GALNT2: variants seen among roughly 807,000 people sequenced by gnomAD.
GALNT2 encodes UDP-GalNAc:polypeptide N-acetylgalactosaminyltransferase 2.
GALNT2 carries 31 observed loss-of-function variants against 81.4 expected under a neutral mutation model. That is an observed-to-expected ratio of 0.38 (90% CI 0.29 to 0.51). The LOEUF is 0.51. Ranked by LOEUF, GALNT2 falls within the 20% of genes least tolerant of loss-of-function variation. The pLI is 0.87. For missense variants in GALNT2, 629 were observed against 765.7 expected (o/e 0.82, Z 2.11); for synonymous variants, 303 against 287.4 (o/e 1.05, Z -0.55).
intron 1 of GALNT2, among the ~76,000 whole-genome samples, chr1:230,138,540 A>AG (rs35574316): frequency 0.035 from 5,214 of 150,274 alleles, 280 homozygotes; most frequent in African/African-American, 0.11. Context: ...AAAAAAAAAA[A>AG]AAAATGAAAC....
At chr1:230,073,426 T>G (rs1659434745) in intron 1 of GALNT2, among the ~76,000 whole-genome samples, 1 of 152,212 alleles carries the variant, frequency 6.6e-6, no homozygotes, top group Non-Finnish European at 1.5e-5. Context: ...CTTTCTAGGG[T>G]TCCCTGCTCT....
At chr1:230,146,122 T>A (rs1435878439) in intron 1 of GALNT2, among the ~76,000 whole-genome samples, 1 of 152,220 alleles carries the variant, frequency 6.6e-6, no homozygotes, top group Non-Finnish European at 1.5e-5. Flanking sequence ...TCCTTCTTCC[T>A]CCTGGGTTAG....
chr1:230,064,555 C>T (rs1488349992), upstream of GALNT2, among the ~76,000 whole-genome samples: 1 of 152,240 alleles, frequency 6.6e-6, no homozygotes, highest in Non-Finnish European at 1.5e-5. Context: ...GAGTCTCGCT[C>T]TGTCACCCAG....
chr1:230,143,673 C>T (rs76268125), intron 1 of GALNT2, among the ~76,000 whole-genome samples: 1 of 152,222 alleles, frequency 6.6e-6, no homozygotes, highest in Non-Finnish European at 1.5e-5. Context: ...GCCCCACGCT[C>T]TTATTAAAGC....
chr1:230,238,162 ATG>A (rs990290271), intron 6 of GALNT2, among the ~76,000 whole-genome samples: 13 of 152,222 alleles, frequency 8.5e-5, no homozygotes, highest in African/African-American at 2.9e-4. Flanking sequence ...ATATGTACCC[ATG>A]TGTGTGTATA....
chr1:230,170,973 A>G (rs1016675455), intron 1 of GALNT2, among the ~76,000 whole-genome samples: 1 of 152,196 alleles, frequency 6.6e-6, no homozygotes, highest in African/African-American at 2.4e-5. Flanking sequence ...TCACCTAGTT[A>G]ACTCTGGTGT....
chr1:230,215,123 G>T (rs1374769331), intron 3 of GALNT2, among the ~76,000 whole-genome samples: 1 of 152,212 alleles, frequency 6.6e-6, no homozygotes, highest in Non-Finnish European at 1.5e-5. Context: ...GAGCTGGTGA[G>T]TTTCCAGTTC....
At position 230,224,276 on chromosome 1, in the gene GALNT2, A is replaced by G. The variant is rs146126924; in HGVS notation, c.375-11738A>G. On this transcript the variant is annotated intron_variant, in intron 3 of 15. Coordinates refer to ENST00000366672, the MANE Select transcript of GALNT2 (RefSeq NM_004481.5). ...TGTCTGATGAGCAGTGTGAGCTTCCATCCAGAAAAGGCAGCTTGTCCCCTG... is the reference window on the plus strand; with the variant it reads ...TGTCTGATGAGCAGTGTGAGCTTCCGTCCAGAAAAGGCAGCTTGTCCCCTG... Among the ~76,000 whole-genome samples the G allele has an allele frequency of 3.7e-3, 560 of 152,342 alleles. 5 individuals carry two copies. Among genetic ancestry groups the G allele is most frequent in the African/African-American group, 0.013 (526 of 41,580 alleles).
At chr1:230,182,885 A>G (rs963945998) in intron 2 of GALNT2, among the ~76,000 whole-genome samples, 2 of 152,184 alleles carry the variant, frequency 1.3e-5, no homozygotes, top group East Asian at 1.9e-4. Context: ...AGTTCTATCT[A>G]TCATGAACTG....
intron 11 of GALNT2, among the ~76,000 whole-genome samples, chr1:230,261,661 A>G (rs1648243088): frequency 1.3e-5 from 2 of 152,176 alleles, no homozygotes; most frequent in Admixed American, 1.3e-4. Flanking sequence ...CAGGGGCTTT[A>G]TTTATGGCAA....
At chr1:230,100,487 G>A (rs374054540) in intron 1 of GALNT2, among the ~76,000 whole-genome samples, 2 of 152,024 alleles carry the variant, frequency 1.3e-5, no homozygotes, top group East Asian at 3.9e-4. Context: ...CACCACACCC[G>A]GCTAATTTTT....
chr1:230,194,215 A>C (rs570868071), intron 2 of GALNT2, among the ~76,000 whole-genome samples: 14 of 152,314 alleles, frequency 9.2e-5, no homozygotes, highest in African/African-American at 3.4e-4. Flanking sequence ...GACTAAGTCA[A>C]AGATGGGGAA....
intron 1 of GALNT2, among the ~76,000 whole-genome samples, chr1:230,149,432 A>C (rs2102833623): frequency 6.6e-6 from 1 of 152,202 alleles, no homozygotes; most frequent in Non-Finnish European, 1.5e-5. Context: ...TGGTGGTTTG[A>C]GCATCCTATT....
At chr1:230,235,252 T>C (rs1381150692) in intron 3 of GALNT2, among the ~76,000 whole-genome samples, 5 of 151,376 alleles carry the variant, frequency 3.3e-5, no homozygotes. Flanking sequence ...CTTACTGTTC[T>C]TCTAGTCTTG....
chr1:230,272,427 G>A lies in GALNT2; in HGVS notation c.1441-2018G>A, dbSNP rs148815900. 5.5e-3 allele frequency among the ~76,000 whole-genome samples: 832 copies of A among 152,230 alleles called. 7 individuals are homozygous for A. The highest frequency in any genetic ancestry group is 0.019 in the African/African-American group (792 of 41,540). The stretch of plus-strand genomic sequence containing the variant: ...AGAGCCTTTAATAGACTGAATTTCC[G>A]AGAGATAAACACAGCACAAAGTCTG... On this transcript the variant is annotated intron_variant, in intron 14 of 15. Coordinates refer to ENST00000366672, the MANE Select transcript of GALNT2 (RefSeq NM_004481.5).
rs1229351694 is a variant in GALNT2 at position 230,128,626 on chromosome 1, CG to C, written c.127-49587del. Among the ~76,000 whole-genome samples, 15 of 37,498 alleles carry C rather than the reference CG, an allele frequency of 4.0e-4. No homozygotes were observed. The Admixed American group carries it at 4.6e-3, about 12-fold the overall frequency. The allele number at this position is 37,498 out of a possible 152,430, so 24.6% of individuals were successfully genotyped here. On this transcript the variant is annotated intron_variant, in intron 1 of 15. Transcript: ENST00000366672. ...CATAAGGGTGTGTGTGTGGCGGGGG[CG>C]GGGGTGGTTGGGGGGAGGTAGGCTT...
At chr1:230,167,968 C>CG (rs1299156701) in intron 1 of GALNT2, among the ~76,000 whole-genome samples, 5 of 152,112 alleles carry the variant, frequency 3.3e-5, no homozygotes, top group Non-Finnish European at 1.5e-5. Context: ...AATACCCCCC[C>CG]CTTTTTTTTG....
Position 230,243,272 on chromosome 1 carries a change from C to G in GALNT2, c.608-34C>G, listed in dbSNP as rs781226893. 12 of 1,566,324 alleles carry G rather than the reference C, an allele frequency of 7.7e-6. No homozygotes were observed. Among genetic ancestry groups the G allele is most frequent in the Non-Finnish European group, 9.5e-6 (11 of 1,157,732 alleles). On this transcript the variant is annotated intron_variant, in intron 6 of 15. Transcript: ENST00000366672. This position sits in a 1 kb window ranked among gnomAD's most constrained non-coding sequence, Gnocchi z 4.2. ...GGGTTGTGCTGGCCCTGTGGCTTCT[C>G]TCTCCTGACGTGCTTTCCAACTCGC...
At chr1:230,177,471 A>G (rs1315975360) in intron 1 of GALNT2, among the ~76,000 whole-genome samples, 5 of 152,250 alleles carry the variant, frequency 3.3e-5, no homozygotes, top group Admixed American at 6.5e-5. Flanking sequence ...TATTTTAGTC[A>G]CAGAAATCAG....
Sources: allele counts gnomAD v4.1 joint callset (sites outside exome capture counted in the v4.1 genomes callset), GRCh38; gene constraint gnomAD v4.1.1; non-coding constraint Gnocchi (gnomAD v3.1); transcripts MANE v1.5; gene names NCBI Gene and HGNC (gene_info 2026-07-23, HGNC 2026-07-21).